The following SPIDR variants were observed in gnomAD, a reference collection of about 807,000 sequenced individuals.
The protein encoded by SPIDR is DNA repair-scaffolding protein.
In SPIDR, 93 loss-of-function variants were observed where a neutral mutation model predicts 104.6. The observed-to-expected ratio is 0.89, with a 90% CI of 0.75 to 1.06. The LOEUF (loss-of-function observed/expected upper bound fraction) is 1.06, where lower values mean the gene tolerates loss of function less well. SPIDR is among the 50% of genes least tolerant of loss of function. The probability of loss-of-function intolerance (pLI) is 0.00; values close to 1 mark genes in which losing one functional copy is unlikely to be tolerated. For synonymous variants in SPIDR, 431 were observed against 416.9 expected (o/e 1.03, Z -0.41); for missense variants, 1,154 against 1,111.2 (o/e 1.04, Z -0.55).
intron 8 of SPIDR, among the ~76,000 whole-genome samples, chr8:47,588,053 A>AGC (rs2060489062): frequency 1.4e-5 from 1 of 73,902 alleles, no homozygotes; most frequent in Non-Finnish European, 2.5e-5. Flanking sequence ...ATATATATAT[A>AGC]TATATATATA....
At chr8:47,584,379 A>G (rs1332483260) in intron 8 of SPIDR, among the ~76,000 whole-genome samples, 1 of 152,322 alleles carries the variant, frequency 6.6e-6, no homozygotes, top group East Asian at 1.9e-4. Flanking sequence ...TTTCAATAAC[A>G]TTTCTGCAGA....
chr8:47,442,488 G>A (rs980141253), intron 8 of SPIDR, among the ~76,000 whole-genome samples: 15 of 152,160 alleles, frequency 9.9e-5, no homozygotes, highest in Non-Finnish European at 1.0e-4. Context: ...GGCTTTAAAG[G>A]TAGTGTCTGG....
chr8:47,381,694 G>T (rs1554645522), intron 5 of SPIDR, among the ~76,000 whole-genome samples: 1 of 152,212 alleles, frequency 6.6e-6, no homozygotes, highest in African/African-American at 2.4e-5. Flanking sequence ...GCAGGAAGTG[G>T]CATGGGCAGC....
At chr8:47,570,166 A>G (rs1385467082) in intron 8 of SPIDR, among the ~76,000 whole-genome samples, 1 of 152,212 alleles carries the variant, frequency 6.6e-6, no homozygotes, top group Non-Finnish European at 1.5e-5. Flanking sequence ...ACCCTTTCCA[A>G]TTTAAAAAAG....
intron 11 of SPIDR, among the ~76,000 whole-genome samples, chr8:47,696,711 C>T (rs1055349368): frequency 2.0e-5 from 3 of 152,186 alleles, no homozygotes; most frequent in African/African-American, 7.2e-5. Flanking sequence ...ACACCTAGCA[C>T]TGGAGACTTT....
intron 14 of SPIDR, among the ~76,000 whole-genome samples, chr8:47,711,398 G>T (rs752124455): frequency 1.9e-4 from 29 of 152,062 alleles, no homozygotes; most frequent in Non-Finnish European, 4.0e-4. Context: ...ACGCTGAAAT[G>T]CAGTGGCTCT....
At chr8:47,620,881 G>C (rs1488005109) in intron 10 of SPIDR, among the ~76,000 whole-genome samples, 1 of 151,692 alleles carries the variant, frequency 6.6e-6, no homozygotes, top group African/African-American at 2.4e-5. Context: ...GCCTCCCAAA[G>C]TGCTGTGATT....
rs1489211485 is a variant in SPIDR, at chr8:47,540,518, T to C, written c.1098-55293T>C. Among the ~76,000 whole-genome samples the C allele has an allele frequency of 3.3e-5, 5 of 152,326 alleles. No homozygotes were observed. In the East Asian group the frequency reaches 9.6e-4, roughly 29 times the overall value. On this transcript the variant is annotated intron_variant, in intron 8 of 19. Transcript: ENST00000297423. ...CCCTCTTTTAGGCAGTCCCTAGCCC[T>C]CTTCTGCCCCTGTGGCCAGCCTACC...
chr8:47,477,966 G>A (rs919100286), intron 8 of SPIDR, among the ~76,000 whole-genome samples: 1 of 152,138 alleles, frequency 6.6e-6, no homozygotes, highest in Non-Finnish European at 1.5e-5. Context: ...CAGGATTAGG[G>A]GCAGCAAGGG....
At chr8:47,664,140 C>A (rs555727569) in intron 10 of SPIDR, among the ~76,000 whole-genome samples, 1 of 152,272 alleles carries the variant, frequency 6.6e-6, no homozygotes, top group South Asian at 2.1e-4. Context: ...CCTCTTCCCC[C>A]AGCCCCCAGT....
intron 8 of SPIDR, among the ~76,000 whole-genome samples, chr8:47,477,857 G>A (rs2076456242): frequency 6.6e-6 from 1 of 152,150 alleles, no homozygotes; most frequent in Non-Finnish European, 1.5e-5. Flanking sequence ...AGCCTGCCAG[G>A]GCTCAGAGGG....
At chr8:47,291,609 C>G (rs2039918734) in intron 4 of SPIDR, among the ~76,000 whole-genome samples, 1 of 152,170 alleles carries the variant, frequency 6.6e-6, no homozygotes, top group African/African-American at 2.4e-5. Context: ...TAATATTTCT[C>G]AAAACAACTC....
chr8:47,590,446 A>C (rs1344210004), intron 8 of SPIDR, among the ~76,000 whole-genome samples: 1 of 152,144 alleles, frequency 6.6e-6, no homozygotes. Context: ...ATTTAGAAAT[A>C]TGTTGTTTAA....
intron 3 of SPIDR, among the ~76,000 whole-genome samples, chr8:47,289,499 C>T (rs2039507482): frequency 6.6e-6 from 1 of 151,832 alleles, no homozygotes; most frequent in Non-Finnish European, 1.5e-5. Context: ...CCTTTTCTGA[C>T]CAATATCAGA....
At chr8:47,517,831 A>T (rs1353167796) in intron 8 of SPIDR, among the ~76,000 whole-genome samples, 1 of 152,176 alleles carries the variant, frequency 6.6e-6, no homozygotes, top group Non-Finnish European at 1.5e-5. Flanking sequence ...GAGGGTAGAG[A>T]TTAATTTTAA....
At chr8:47,503,686 G>T (rs2080955790) in intron 8 of SPIDR, among the ~76,000 whole-genome samples, 1 of 152,096 alleles carries the variant, frequency 6.6e-6, no homozygotes, top group Non-Finnish European at 1.5e-5. Flanking sequence ...TATGATGTTA[G>T]GTGGTTATTT....
At chr8:47,501,759 A>G (rs1218952371) in intron 8 of SPIDR, among the ~76,000 whole-genome samples, 1 of 152,164 alleles carries the variant, frequency 6.6e-6, no homozygotes, top group Non-Finnish European at 1.5e-5. Context: ...TTGCCCATTC[A>G]GTATGATATT....
intron 8 of SPIDR, among the ~76,000 whole-genome samples, chr8:47,563,932 G>C (rs766725830): frequency 3.3e-5 from 5 of 152,000 alleles, no homozygotes; most frequent in African/African-American, 1.2e-4. Flanking sequence ...TTACTTTCCT[G>C]TTCAGTCTGA....
intron 8 of SPIDR, among the ~76,000 whole-genome samples, chr8:47,447,852 A>G (rs1157156131): frequency 6.6e-6 from 1 of 152,230 alleles, no homozygotes; most frequent in Non-Finnish European, 1.5e-5. Flanking sequence ...CAAAAAGATT[A>G]TGACTTACTG....
Sources: allele counts gnomAD v4.1 joint callset (sites outside exome capture counted in the v4.1 genomes callset), GRCh38; gene constraint gnomAD v4.1.1; transcripts MANE v1.5; gene names NCBI Gene and HGNC (gene_info 2026-07-23, HGNC 2026-07-21).